The following ADGRB3 variants were observed in gnomAD, a reference collection of about 807,000 sequenced individuals.
ADGRB3 encodes adhesion G protein-coupled receptor B3, also known as brain-specific angiogenesis inhibitor 3.
ADGRB3 carries 37 observed loss-of-function variants against 193.4 expected under a neutral mutation model. That is an observed-to-expected ratio of 0.19 (90% CI 0.15 to 0.25). The LOEUF (loss-of-function observed/expected upper bound fraction) is 0.25, where lower values mean the gene tolerates loss of function less well. Ranked by LOEUF, ADGRB3 falls within the 10% of genes least tolerant of loss-of-function variation. ADGRB3 has a pLI of 1.00. For synonymous variants in ADGRB3, 690 were observed against 644.2 expected (o/e 1.07, Z -1.08); for missense variants, 1,637 against 1,852.9 (o/e 0.88, Z 2.14).
intron 13 of ADGRB3, among the ~76,000 whole-genome samples, chr6:69,035,613 T>C (rs779518827): frequency 1.3e-5 from 2 of 151,934 alleles, no homozygotes; most frequent in Admixed American, 6.6e-5. Flanking sequence ...AACCTGGGAG[T>C]AACATGATTC....
intron 8 of ADGRB3, among the ~76,000 whole-genome samples, chr6:68,973,435 A>G (rs145132859): frequency 6.6e-5 from 10 of 152,292 alleles, no homozygotes; most frequent in East Asian, 1.9e-4. Context: ...TTCTTCCCCT[A>G]CTGATAACTA....
intron 20 of ADGRB3, among the ~76,000 whole-genome samples, chr6:69,270,456 T>TA (rs1305849947): frequency 2.6e-5 from 4 of 152,154 alleles, no homozygotes; most frequent in Non-Finnish European, 5.9e-5. Context: ...ATATTTTAAC[T>TA]ATAAGACTTA....
At chr6:69,302,734 C>T (rs536441890) in intron 20 of ADGRB3, among the ~76,000 whole-genome samples, 80 of 152,028 alleles carry the variant, frequency 5.3e-4, no homozygotes, top group Middle Eastern at 6.8e-3. Context: ...GGAAGGATTA[C>T]GCTATTGAAG....
At chr6:68,923,729 C>G (rs1267050477) in intron 3 of ADGRB3, among the ~76,000 whole-genome samples, 2 of 151,980 alleles carry the variant, frequency 1.3e-5, no homozygotes, top group African/African-American at 4.8e-5. Context: ...ATTGTCCATC[C>G]TTTTGGTAGC....
intron 13 of ADGRB3, among the ~76,000 whole-genome samples, chr6:69,030,054 C>T (rs991805809): frequency 6.7e-6 from 1 of 149,198 alleles, no homozygotes; most frequent in Non-Finnish European, 1.5e-5. Flanking sequence ...CAAATCAAAA[C>T]CACAATGAGA....
chr6:69,063,640 A>G (rs1771816010), intron 16 of ADGRB3, among the ~76,000 whole-genome samples: 1 of 151,966 alleles, frequency 6.6e-6, no homozygotes, highest in Non-Finnish European at 1.5e-5. Flanking sequence ...TAAGTCAAGG[A>G]TCAGGGAAGG....
chr6:68,835,794 G>GT lies in ADGRB3; in HGVS notation c.758-94759dup, dbSNP rs1295863615. ...TTTCTCATATTTTTCTTGTAGCATT[G>GT]TTTTTTGCTTTGATTTTGGTTAAAA... On this transcript the variant is annotated intron_variant, in intron 3 of 31. Transcript: ENST00000370598. Among the ~76,000 whole-genome samples the GT allele has an allele frequency of 1.9e-4, 29 of 151,970 alleles. No individual in the cohort carries two copies. The Middle Eastern group carries it at 0.01, about 53-fold the overall frequency.
At chr6:69,344,575 T>C (rs984190263) in intron 26 of ADGRB3, among the ~76,000 whole-genome samples, 2 of 152,152 alleles carry the variant, frequency 1.3e-5, no homozygotes, top group African/African-American at 2.4e-5. Flanking sequence ...CCAGTAGTGA[T>C]GAAATAACTA....
chr6:68,876,200 G>A (rs1004663477), intron 3 of ADGRB3, among the ~76,000 whole-genome samples: 1 of 152,050 alleles, frequency 6.6e-6, no homozygotes, highest in Non-Finnish European at 1.5e-5. Context: ...TATACAAGAT[G>A]ACTTACAGGT....
intron 13 of ADGRB3, among the ~76,000 whole-genome samples, chr6:69,022,675 T>C (rs1275634148): frequency 6.6e-6 from 1 of 152,044 alleles, no homozygotes; most frequent in Non-Finnish European, 1.5e-5. Flanking sequence ...AACTACAGTG[T>C]AAAATATACT....
chr6:69,103,217 A>G (rs988437020), intron 17 of ADGRB3, among the ~76,000 whole-genome samples: 1 of 152,204 alleles, frequency 6.6e-6, no homozygotes, highest in Non-Finnish European at 1.5e-5. Context: ...GAGAGAGTCC[A>G]AATGTTTCTG....
chr6:69,136,148 A>G (rs1774143346), intron 17 of ADGRB3, among the ~76,000 whole-genome samples: 2 of 152,048 alleles, frequency 1.3e-5, no homozygotes, highest in East Asian at 3.9e-4. Flanking sequence ...ATATGTAGGC[A>G]TGGCTGTGTG....
intron 3 of ADGRB3, among the ~76,000 whole-genome samples, chr6:68,844,397 CAA>C (rs969961690): frequency 1.3e-5 from 2 of 151,876 alleles, no homozygotes; most frequent in African/African-American, 4.8e-5. Flanking sequence ...AGACAAAATA[CAA>C]AGACATCCAT....
At chr6:69,364,475 A>G (rs891329399) in intron 29 of ADGRB3, among the ~76,000 whole-genome samples, 4 of 152,088 alleles carry the variant, frequency 2.6e-5, no homozygotes, top group Non-Finnish European at 5.9e-5. Flanking sequence ...ACCACCAATT[A>G]TTGGATATAA....
chr6:69,203,862 G>A (rs1289222902), intron 17 of ADGRB3, among the ~76,000 whole-genome samples: 2 of 152,072 alleles, frequency 1.3e-5, no homozygotes, highest in Non-Finnish European at 2.9e-5. Flanking sequence ...TGATCCTTCT[G>A]CTCTTATGTA....
intron 26 of ADGRB3, among the ~76,000 whole-genome samples, chr6:69,346,706 G>T (rs1348810787): frequency 6.6e-6 from 1 of 152,208 alleles, no homozygotes; most frequent in East Asian, 1.9e-4. Flanking sequence ...GGAAACAACA[G>T]ATGCTGGAGA....
chr6:68,748,332 A>G (rs925732684), intron 3 of ADGRB3, among the ~76,000 whole-genome samples: 3 of 152,210 alleles, frequency 2.0e-5, no homozygotes, highest in Non-Finnish European at 4.4e-5. Context: ...AGCCTGTAAA[A>G]TCAAAAGGAA....
chr6:69,359,482 C>T (rs957099262), intron 28 of ADGRB3, among the ~76,000 whole-genome samples: 1 of 144,872 alleles, frequency 6.9e-6, no homozygotes, highest in Non-Finnish European at 1.5e-5. Flanking sequence ...ATTTTTACTG[C>T]CTAAGATAAA....
chr6:68,777,718 T>C (rs1766776453), intron 3 of ADGRB3, among the ~76,000 whole-genome samples: 1 of 146,576 alleles, frequency 6.8e-6, no homozygotes, highest in Non-Finnish European at 1.5e-5. Flanking sequence ...GATATGCTAA[T>C]ATATATCTGT....
Sources: allele counts gnomAD v4.1 joint callset (sites outside exome capture counted in the v4.1 genomes callset), GRCh38; gene constraint gnomAD v4.1.1; transcripts MANE v1.5; gene names NCBI Gene and HGNC (gene_info 2026-07-23, HGNC 2026-07-21).